Variants in DOCK8 observed in about 807,000 individuals in gnomAD.
DOCK8 encodes the protein dedicator of cytokinesis 8.
In DOCK8, 141 loss-of-function variants were observed where a neutral mutation model predicts 245.6. The observed-to-expected ratio is 0.57, with a 90% confidence interval of 0.50 to 0.66. The LOEUF is 0.66. Among genes scored for constraint, DOCK8 ranks in the 30% least tolerant of loss-of-function variants. The pLI is 0.00. For synonymous variants in DOCK8, 1,168 were observed against 970.2 expected (o/e 1.20, Z -3.79); for missense variants, 2,965 against 2,603.4 (o/e 1.14, Z -3.02).
intron 14 of DOCK8, among the ~76,000 whole-genome samples, chr9:357,587 AT>A (rs112232586): frequency 0.11 from 16,361 of 147,420 alleles, 2,008 homozygotes; most frequent in African/African-American, 0.3. Flanking sequence ...ATTTGATACC[AT>A]TTTTTTTTTC....
chr9:304,367 T>C (rs1311956279), intron 4 of DOCK8, among the ~76,000 whole-genome samples: 2 of 152,182 alleles, frequency 1.3e-5, no homozygotes, highest in Non-Finnish European at 2.9e-5. Context: ...CCTTTAATAA[T>C]GAGCCAGCCA....
At chr9:216,005 T>C (rs1362707520) in intron 1 of DOCK8, among the ~76,000 whole-genome samples, 2 of 152,194 alleles carry the variant, frequency 1.3e-5, no homozygotes, top group East Asian at 1.9e-4. Flanking sequence ...AGGTTCATCT[T>C]TGTGCTGTTA....
chr9:327,286 C>T (rs772782217), intron 8 of DOCK8, among the ~76,000 whole-genome samples: 2 of 152,236 alleles, frequency 1.3e-5, no homozygotes, highest in Non-Finnish European at 1.5e-5. Context: ...CACCCAACTG[C>T]AAATGGCCTG....
intron 26 of DOCK8, among the ~76,000 whole-genome samples, chr9:401,211 G>T (rs1187235242): frequency 3.3e-5 from 5 of 150,986 alleles, no homozygotes; most frequent in African/African-American, 7.4e-5. Flanking sequence ...AAGAAGGGGG[G>T]GTTGAGAGAT....
chr9:242,035 C>T lies in DOCK8; in HGVS notation c.53+27006C>T, dbSNP rs531245705. On this transcript the variant is annotated intron_variant, in intron 1 of 47. Coordinates refer to ENST00000432829, the MANE Select transcript of DOCK8 (RefSeq NM_203447.4). ...AGCACATAGTTCTGATAATTCAGGT[C>T]TTCTTTTGCCATTTCTCAAACATAG... is the stretch of plus-strand genomic sequence containing the variant. Among the ~76,000 whole-genome samples, 7 of 152,268 alleles carry T rather than the reference C, an allele frequency of 4.6e-5. No individual in the cohort carries two copies. The East Asian group carries it at 1.4e-3, about 29-fold the overall frequency.
At position 390,479 on chromosome 9, in the gene DOCK8, T is replaced by G; in HGVS notation, c.2883T>G (p.His961Gln). Residue 961 changes from histidine (H) to glutamine (Q), a missense_variant, in exon 24 of 48, where the codon CAT becomes CAG. His to Gln is a conservative substitution (Grantham distance 24, BLOSUM62 0). Coordinates refer to ENST00000432829, the MANE Select transcript of DOCK8 (RefSeq NM_203447.4). Reference sequence around the variant, plus strand: ...TTGTGGTTCTTATTTAGCATTTCCATGAGGAGCTTGCCCTTCAGATGGTGG... The same window carrying G: ...TTGTGGTTCTTATTTAGCATTTCCAGGAGGAGCTTGCCCTTCAGATGGTGG... ...APRPASKKHF[H>Q]EELALQMVVS... 1 of 1,614,196 alleles carries G rather than the reference T, an allele frequency of 6.2e-7. No individual in the cohort carries two copies. Among genetic ancestry groups the G allele is most frequent in the South Asian group, 1.1e-5 (1 of 91,086 alleles).
At chr9:322,629 C>G (rs1224716596) in intron 7 of DOCK8, among the ~76,000 whole-genome samples, 1 of 152,202 alleles carries the variant, frequency 6.6e-6, no homozygotes, top group Non-Finnish European at 1.5e-5. Flanking sequence ...AATTTTAAGT[C>G]TTTAATAAAT....
At chr9:322,550 C>T (rs922094569) in intron 7 of DOCK8, among the ~76,000 whole-genome samples, 1 of 152,092 alleles carries the variant, frequency 6.6e-6, no homozygotes, top group African/African-American at 2.4e-5. Context: ...GTGTTAAATG[C>T]AGATAATATC....
At chr9:280,883 A>G (rs2130164860) in intron 2 of DOCK8, 1 of 152,390 alleles carries the variant, frequency 6.6e-6, no homozygotes, top group East Asian at 1.9e-4. Flanking sequence ...CCACGTTGAC[A>G]CATCATGAAG....
intron 1 of DOCK8, among the ~76,000 whole-genome samples, chr9:218,095 G>A (rs927483982): frequency 6.6e-6 from 1 of 152,088 alleles, no homozygotes; most frequent in African/African-American, 2.4e-5. Flanking sequence ...TGTTGAAGGT[G>A]GAAAAGAAAT....
At chr9:239,126 C>T (rs1020584272) in intron 1 of DOCK8, among the ~76,000 whole-genome samples, 1 of 152,196 alleles carries the variant, frequency 6.6e-6, no homozygotes, top group African/African-American at 2.4e-5. Context: ...AACTAAATGA[C>T]TTTGAATGAA....
chr9:376,913 T>G lies in DOCK8; in HGVS notation c.2206-64T>G, dbSNP rs920519000. 1.6e-5 allele frequency: 23 copies of G among 1,424,440 alleles called. 1 individual carries two copies. Among genetic ancestry groups the G allele is most frequent in the Admixed American group, 1.9e-5 (1 of 53,882 alleles). The allele number at this position is 1,424,440 out of a possible 1,614,324, so 88.2% of individuals were successfully genotyped here. ...CCATAAAGAGCTATTCGATTGTGTT[T>G]GTGAATCCACTGGTGAACATTGATG... is the stretch of plus-strand genomic sequence containing the variant. On this transcript the variant is annotated intron_variant, in intron 19 of 47. Transcript: ENST00000432829.
intron 14 of DOCK8, among the ~76,000 whole-genome samples, chr9:353,173 C>A (rs2052258960): frequency 6.6e-6 from 1 of 152,158 alleles, no homozygotes; most frequent in Admixed American, 6.5e-5. Context: ...GCAACTTTGT[C>A]CTGCAACCAC....
intron 33 of DOCK8, among the ~76,000 whole-genome samples, chr9:424,671 A>C (rs967939719): frequency 6.6e-6 from 1 of 152,154 alleles, no homozygotes; most frequent in African/African-American, 2.4e-5. Context: ...TAACCTCCCA[A>C]AGTGGTGGGA....
chr9:423,504 T>C (rs2056362045), intron 33 of DOCK8, among the ~76,000 whole-genome samples: 1 of 152,258 alleles, frequency 6.6e-6, no homozygotes, highest in Non-Finnish European at 1.5e-5. Flanking sequence ...TTAGCAGTGC[T>C]GTTTTGTAAA....
In DOCK8 at chr9:303,253, A is replaced by G. The variant is rs559121888; in HGVS notation, c.405-1328A>G. Among the ~76,000 whole-genome samples the G allele has an allele frequency of 2.6e-5, 4 of 152,336 alleles. No homozygotes were observed. The East Asian group carries it at 7.7e-4, about 29-fold the overall frequency. ...GATTTCTGAAAGAACTTAAAACAGA[A>G]CTACCATTCAACCCAGCAATCCCAC... On this transcript the variant is annotated intron_variant, in intron 4 of 47. Coordinates refer to ENST00000432829, the MANE Select transcript of DOCK8 (RefSeq NM_203447.4).
At chr9:240,513 C>A (rs1217329661) in intron 1 of DOCK8, among the ~76,000 whole-genome samples, 3 of 151,790 alleles carry the variant, frequency 2.0e-5, no homozygotes, top group Non-Finnish European at 2.9e-5. Context: ...TGTATATTTT[C>A]CTGAAGAAAG....
chr9:300,202 C>T (rs962911230), intron 4 of DOCK8, among the ~76,000 whole-genome samples: 1 of 152,180 alleles, frequency 6.6e-6, no homozygotes, highest in African/African-American at 2.4e-5. Flanking sequence ...GTCACTGGGA[C>T]ATCTTATTCT....
intron 8 of DOCK8, among the ~76,000 whole-genome samples, chr9:326,331 C>A (rs531999036): frequency 1.3e-5 from 2 of 152,338 alleles, no homozygotes; most frequent in South Asian, 4.1e-4. Context: ...AAACAAGCAT[C>A]TCCTGCATAA....
Sources: allele counts gnomAD v4.1 joint callset (sites outside exome capture counted in the v4.1 genomes callset), GRCh38; gene constraint gnomAD v4.1.1; transcripts MANE v1.5; gene names NCBI Gene and HGNC (gene_info 2026-07-23, HGNC 2026-07-21).